PIGK: variants seen among roughly 807,000 people sequenced by gnomAD.
PIGK encodes phosphatidylinositol glycan anchor biosynthesis class K.
PIGK carries 42 observed loss-of-function variants against 50.6 expected under a neutral mutation model. The observed-to-expected ratio is 0.83, with a 90% confidence interval of 0.65 to 1.07. The LOEUF (loss-of-function observed/expected upper bound fraction) is 1.07. Among genes scored for constraint, PIGK ranks in the 50% least tolerant of loss-of-function variants. The pLI is 0.00. For missense variants in PIGK, 448 were observed against 488.7 expected, an observed-to-expected ratio of 0.92 and a Z score of 0.78; for synonymous variants, 151 against 156.0, an observed-to-expected ratio of 0.97 and a Z score of 0.24.
intron 3 of PIGK, among the ~76,000 whole-genome samples, chr1:77,174,366 C>T (rs1030638469): frequency 6.6e-6 from 1 of 152,130 alleles, no homozygotes; most frequent in Non-Finnish European, 1.5e-5. Flanking sequence ...CACCACACAC[C>T]GTGTTTTGGG....
Position 77,090,564 on chromosome 1 carries a change from C to T in PIGK, c.*1810G>A, listed in dbSNP as rs776599595. On this transcript the variant is annotated 3_prime_UTR_variant, in exon 11 of 11. Coordinates refer to ENST00000370812, the MANE Select transcript of PIGK (RefSeq NM_005482.3). ...GAAGACGAATCCTTTTACTTTCTAG[C>T]AGTCTTTACAGGGTATGTTTCATTA... is the stretch of plus-strand genomic sequence containing the variant. The T allele has an allele frequency of 3.3e-5, 5 of 152,192 alleles. No homozygotes were observed. Among genetic ancestry groups the T allele is most frequent in the African/African-American group, 4.8e-5 (2 of 41,456 alleles). 9.4% of individuals were successfully genotyped at this position (152,192 alleles called of 1,614,324 possible).
intron 1 of PIGK, among the ~76,000 whole-genome samples, chr1:77,216,651 G>A (rs1656574409): frequency 6.6e-6 from 1 of 151,828 alleles, no homozygotes; most frequent in South Asian, 2.1e-4. Context: ...GTGTGTGTGT[G>A]TATTTTTCCC....
intron 3 of PIGK, among the ~76,000 whole-genome samples, chr1:77,178,732 C>T (rs115972722): frequency 0.036 from 5,439 of 152,184 alleles, 312 homozygotes; most frequent in African/African-American, 0.12. Context: ...CCTTGGTGCG[C>T]TATATTTTCT....
At chr1:77,212,885 T>C (rs1014484945) in intron 1 of PIGK, among the ~76,000 whole-genome samples, 2 of 152,124 alleles carry the variant, frequency 1.3e-5, no homozygotes, top group African/African-American at 4.8e-5. Flanking sequence ...CCACTCTCCA[T>C]TGGACGGATC....
At chr1:77,182,513 T>TATCC (rs978935114) in intron 3 of PIGK, among the ~76,000 whole-genome samples, 4 of 105,324 alleles carry the variant, frequency 3.8e-5, no homozygotes, top group African/African-American at 1.3e-4. Flanking sequence ...TCAATCTATC[T>TATCC]ATCTATCTAT....
chr1:77,198,620 TATTTTTGG>T (rs1052494662), intron 3 of PIGK, among the ~76,000 whole-genome samples: 20 of 152,020 alleles, frequency 1.3e-4, no homozygotes, highest in Admixed American at 3.3e-4. Context: ...TTAGAAAATG[TATTTTTGG>T]AAAGGTACCA....
At chr1:77,123,181 A>T (rs1654143318) in intron 9 of PIGK, among the ~76,000 whole-genome samples, 2 of 152,206 alleles carry the variant, frequency 1.3e-5, no homozygotes, top group Admixed American at 6.5e-5. Context: ...AATGATTTTT[A>T]AAATTACTGA....
Position 77,206,684 on chromosome 1 carries a change from G to C in PIGK, c.195C>G (p.Thr65=). Residue 65 remains threonine, a synonymous_variant, in exon 3 of 11, where the codon ACC becomes ACG. Transcript: ENST00000370812. ...TCTTGACACTTCTATAAACAGAAAG[G>C]GTATTTGCAACATGTCGATAATTAA... ...FWFNYRHVAN[T]LSVYRSVKRL... 6.2e-7 allele frequency: 1 copy of C among 1,611,574 alleles called. No homozygotes were observed. Among genetic ancestry groups the C allele is most frequent in the African/African-American group, 1.3e-5 (1 of 74,906 alleles).
In PIGK at chr1:77,174,475, T is replaced by A. The variant is rs577639484; in HGVS notation, c.240-5080A>T. On this transcript the variant is annotated intron_variant, in intron 3 of 10. Transcript: ENST00000370812. Reference sequence around the variant, plus strand: ...TTCTGTTTTGTATTGCTTTATCTGATGTTTCCGACTTTGGGGAGTATCGGA... The same window carrying A: ...TTCTGTTTTGTATTGCTTTATCTGAAGTTTCCGACTTTGGGGAGTATCGGA... Among the ~76,000 whole-genome samples the A allele has an allele frequency of 5.9e-5, 9 of 152,364 alleles. No individual in the cohort carries two copies. The South Asian group carries it at 1.9e-3, about 32-fold the overall frequency.
At chr1:77,107,886 G>C (rs1174298795) in intron 10 of PIGK, among the ~76,000 whole-genome samples, 1 of 152,072 alleles carries the variant, frequency 6.6e-6, no homozygotes, top group African/African-American at 2.4e-5. Context: ...TTTAAAGTCT[G>C]TTTTATCAGA....
intron 4 of PIGK, among the ~76,000 whole-genome samples, chr1:77,168,175 C>G (rs1234819724): frequency 6.6e-6 from 1 of 152,142 alleles, no homozygotes; most frequent in African/African-American, 2.4e-5. Flanking sequence ...TTCTATCCCT[C>G]TGGGATTCTT....
At chr1:77,195,289 A>G in intron 3 of PIGK, 1 of 1,343,282 alleles carries the variant, frequency 7.4e-7, no homozygotes, top group Non-Finnish European at 1.1e-6. Flanking sequence ...CCTGGAAGGC[A>G]AAGGAGCAGG....
intron 8 of PIGK, among the ~76,000 whole-genome samples, chr1:77,157,392 G>C (rs1000077813): frequency 3.9e-5 from 6 of 152,056 alleles, no homozygotes; most frequent in African/African-American, 1.2e-4. Flanking sequence ...TAGCAATTAA[G>C]AGCAATAAAA....
intron 1 of PIGK, among the ~76,000 whole-genome samples, chr1:77,214,128 C>T (rs532562596): frequency 7.2e-5 from 11 of 152,266 alleles, no homozygotes; most frequent in African/African-American, 2.6e-4. Flanking sequence ...CAATTCTTCT[C>T]AAACTATCCC....
chr1:77,195,394 A>C, intron 3 of PIGK: 1 of 1,155,194 alleles, frequency 8.7e-7, no homozygotes, highest in Non-Finnish European at 1.2e-6. Flanking sequence ...GCAGAGTGCT[A>C]AGGAGTGAGA....
chr1:77,181,283 CAGGAACT>C (rs1655608363), intron 3 of PIGK, among the ~76,000 whole-genome samples: 2 of 152,066 alleles, frequency 1.3e-5, no homozygotes, highest in African/African-American at 4.8e-5. Flanking sequence ...GCAGCCCAAT[CAGGAACT>C]AGTGACCGGT....
At chr1:77,118,112 T>A (rs2100525520) in intron 10 of PIGK, among the ~76,000 whole-genome samples, 1 of 152,368 alleles carries the variant, frequency 6.6e-6, no homozygotes, top group Non-Finnish European at 1.5e-5. Flanking sequence ...TTTTGAGGCA[T>A]GTCTGTGTGA....
chr1:77,134,562 C>A (rs962875365), intron 9 of PIGK, among the ~76,000 whole-genome samples: 24 of 152,174 alleles, frequency 1.6e-4, no homozygotes, highest in African/African-American at 5.8e-4. Flanking sequence ...ACTGCCAAGC[C>A]CAGATTCTCA....
chr1:77,196,707 C>G (rs538859352), intron 3 of PIGK, among the ~76,000 whole-genome samples: 1 of 152,194 alleles, frequency 6.6e-6, no homozygotes, highest in South Asian at 2.1e-4. Context: ...CTTATAGATT[C>G]TAGAAATTAG....
Sources: allele counts gnomAD v4.1 joint callset (sites outside exome capture counted in the v4.1 genomes callset), GRCh38; gene constraint gnomAD v4.1.1; transcripts MANE v1.5; gene names NCBI Gene and HGNC (gene_info 2026-07-23, HGNC 2026-07-21).